SSPN: variants seen among roughly 807,000 people sequenced by gnomAD.
SSPN encodes K-ras oncogene-associated protein.
SSPN carries 15 observed loss-of-function variants against 19.1 expected under a neutral mutation model. The ratio of observed to expected loss-of-function variants is 0.78; its 90% CI spans 0.52 to 1.21. The LOEUF (loss-of-function observed/expected upper bound fraction) is 1.21, where lower values mean the gene tolerates loss of function less well. Among genes scored for constraint, SSPN ranks in the 50% most tolerant of loss-of-function variants. SSPN has a pLI of 0.00. For missense variants in SSPN, 291 were observed against 314.0 expected, an observed-to-expected ratio of 0.93 and a Z score of 0.55; for synonymous variants, 147 against 140.3, an observed-to-expected ratio of 1.05 and a Z score of -0.34.
intron 1 of SSPN, among the ~76,000 whole-genome samples, chr12:26,177,943 A>G (rs1442326969): frequency 6.6e-6 from 1 of 152,222 alleles, no homozygotes; most frequent in African/African-American, 2.4e-5. Flanking sequence ...TCTCATATGA[A>G]TGGTCCAAAT....
At chr12:26,228,124 G>A (rs1022319565) in intron 2 of SSPN, among the ~76,000 whole-genome samples, 4 of 152,072 alleles carry the variant, frequency 2.6e-5, no homozygotes, top group African/African-American at 7.2e-5. Context: ...AGCTTGGTGC[G>A]GTGGCTCATG....
At chr12:26,201,035 ATATATATATATT>A (rs1944877745) in intron 1 of SSPN, among the ~76,000 whole-genome samples, 1 of 56,238 alleles carries the variant, frequency 1.8e-5, no homozygotes, top group African/African-American at 6.7e-5. Context: ...ATATATATAT[ATATATATATATT>A]ATATATATAT....
intron 1 of SSPN, among the ~76,000 whole-genome samples, chr12:26,131,011 AG>A (rs1413233014): frequency 6.6e-6 from 1 of 152,170 alleles, no homozygotes; most frequent in African/African-American, 2.4e-5. Flanking sequence ...CTTTTAGTAA[AG>A]GGGAAGTGGA....
chr12:26,137,648 ATATATATATTTTTTTTTT>A (rs1643032320), intron 1 of SSPN, among the ~76,000 whole-genome samples: 2 of 42,284 alleles, frequency 4.7e-5, no homozygotes, highest in African/African-American at 2.0e-4. Flanking sequence ...ATATATATAT[ATATATATATTTTTTTTTT>A]TTTTTTTTTT....
chr12:26,195,603 G>GCA lies in SSPN; in HGVS notation c.-69_-68insAC. On this transcript the variant is annotated 5_prime_UTR_variant, in exon 1 of 3. Coordinates refer to ENST00000242729, the MANE Select transcript of SSPN (RefSeq NM_005086.5). ...TCGAATACCAGGGCAGGCCGAGCCAGCCGTGCGCCGCGCTCCAGGGCCCAG... is the reference window on the plus strand; with the variant it reads ...TCGAATACCAGGGCAGGCCGAGCCAGCACCGTGCGCCGCGCTCCAGGGCCCAG... 1 of 1,342,680 alleles carries GCA rather than the reference G, an allele frequency of 7.4e-7. No individual in the cohort carries two copies. The highest frequency in any genetic ancestry group is 9.5e-7 in the Non-Finnish European group (1 of 1,053,920). The allele number at this position is 1,342,680 out of a possible 1,614,324, so 83.2% of individuals were successfully genotyped here.
chr12:26,180,774 C>A (rs1340936232), intron 1 of SSPN: 2 of 152,170 alleles, frequency 1.3e-5, no homozygotes, highest in Non-Finnish European at 2.9e-5. Context: ...ACTCATACAG[C>A]ATCTTCTACA....
chr12:26,144,290 A>G (rs928703137), intron 1 of SSPN, among the ~76,000 whole-genome samples: 1 of 152,202 alleles, frequency 6.6e-6, no homozygotes, highest in African/African-American at 2.4e-5. Flanking sequence ...GAACTTTGCC[A>G]TGGTTTACCA....
At chr12:26,165,479 A>G (rs1421705684) in intron 1 of SSPN, among the ~76,000 whole-genome samples, 1 of 152,232 alleles carries the variant, frequency 6.6e-6, no homozygotes, top group Non-Finnish European at 1.5e-5. Context: ...GAGCAATTTA[A>G]TCATCCAGGA....
chr12:26,129,492 G>T (rs1025082279), intron 1 of SSPN, among the ~76,000 whole-genome samples: 26 of 152,204 alleles, frequency 1.7e-4, no homozygotes, highest in African/African-American at 5.8e-4. Context: ...ATTTAAGGAG[G>T]GACGGCAATT....
At chr12:26,153,348 G>C (rs903791335) in intron 1 of SSPN, among the ~76,000 whole-genome samples, 1 of 152,130 alleles carries the variant, frequency 6.6e-6, no homozygotes, top group Non-Finnish European at 1.5e-5. Context: ...TTTTATTGAA[G>C]TATTATTATA....
At chr12:26,192,960 A>G (rs1486368767), upstream of SSPN, among the ~76,000 whole-genome samples, 2 of 152,224 alleles carry the variant, frequency 1.3e-5, no homozygotes, top group African/African-American at 4.8e-5. Flanking sequence ...AAAGGCTAAA[A>G]ATGTTTCACT....
chr12:26,211,978 A>G (rs970345106), intron 1 of SSPN, among the ~76,000 whole-genome samples: 11 of 152,312 alleles, frequency 7.2e-5, no homozygotes, highest in Non-Finnish European at 1.3e-4. Context: ...TTACCAACCA[A>G]TCAGAACTTT....
rs1945257780 is a variant in SSPN, at chr12:26,233,542, T to C, written c.*2466T>C. The C allele has an allele frequency of 1.3e-5, 2 of 152,222 alleles. No individual in the cohort carries two copies. Among genetic ancestry groups the C allele is most frequent in the Non-Finnish European group, 2.9e-5 (2 of 68,038 alleles). The allele number at this position is 152,222 out of a possible 1,614,324, so 9.4% of individuals were successfully genotyped here. Reference sequence around the variant, plus strand: ...TGTATATTGATAAGTGTAAGAATTGTGTTGCATGAATAACCGCTTTGGGCT... The same window carrying C: ...TGTATATTGATAAGTGTAAGAATTGCGTTGCATGAATAACCGCTTTGGGCT... On this transcript the variant is annotated 3_prime_UTR_variant, in exon 3 of 3. Transcript: ENST00000242729. The surrounding 1 kb of genome is among the most constrained non-coding windows in gnomAD (Gnocchi z 4.3).
intron 1 of SSPN, among the ~76,000 whole-genome samples, chr12:26,128,628 C>A (rs1004948044): frequency 1.3e-5 from 2 of 152,130 alleles, no homozygotes; most frequent in African/African-American, 2.4e-5. Context: ...AGAATGCCAT[C>A]TTTGGATATG....
chr12:26,172,824 C>T (rs886259614), intron 1 of SSPN, among the ~76,000 whole-genome samples: 3 of 151,226 alleles, frequency 2.0e-5, no homozygotes, highest in African/African-American at 7.3e-5. Context: ...TGCAGTGGCG[C>T]GATTAGAATC....
intron 1 of SSPN, among the ~76,000 whole-genome samples, chr12:26,167,705 G>A (rs532364629): frequency 3.1e-4 from 47 of 152,292 alleles, no homozygotes; most frequent in Non-Finnish European, 3.2e-4. Flanking sequence ...TGTCCTTCAT[G>A]TGACTTAGTA....
chr12:26,193,018 A>G (rs1300930661), upstream of SSPN, among the ~76,000 whole-genome samples: 1 of 152,226 alleles, frequency 6.6e-6, no homozygotes, highest in East Asian at 1.9e-4. Context: ...TAGAACTTGT[A>G]TCTAGTTATA....
chr12:26,215,388 C>T (rs1945036591), intron 1 of SSPN, among the ~76,000 whole-genome samples: 1 of 152,110 alleles, frequency 6.6e-6, no homozygotes, highest in South Asian at 2.1e-4. Context: ...AGATACAAAC[C>T]AATCTCACTT....
intron 1 of SSPN, among the ~76,000 whole-genome samples, chr12:26,189,994 G>A (rs1044619976): frequency 6.6e-6 from 1 of 152,134 alleles, no homozygotes; most frequent in Admixed American, 6.6e-5. Flanking sequence ...TGAAGCCATG[G>A]AACATGTAGT....
Sources: gnomAD v4.1 joint callset for allele counts (sites outside exome capture counted in the v4.1 genomes callset) on GRCh38, gnomAD v4.1.1 for gene constraint, Gnocchi (gnomAD v3.1) non-coding constraint, MANE v1.5 for transcripts, NCBI Gene and HGNC (gene_info 2026-07-23, HGNC 2026-07-21) for gene names.